The following HM13 variants were observed in gnomAD, a reference collection of about 807,000 sequenced individuals.
HM13 encodes the protein histocompatibility minor 13, also known as signal peptide peptidase.
A neutral mutation model predicts 50.0 loss-of-function variants in HM13; 18 were observed. The observed-to-expected ratio is 0.36, with a 90% CI of 0.25 to 0.53. HM13 has a LOEUF of 0.53. Ranked by LOEUF, HM13 falls within the 20% of genes least tolerant of loss-of-function variation. The pLI is 0.90. For synonymous variants in HM13, 197 were observed against 232.6 expected, an observed-to-expected ratio of 0.85 and a Z score of 1.39; for missense variants, 393 against 552.4, an observed-to-expected ratio of 0.71 and a Z score of 2.89.
intron 1 of HM13, among the ~76,000 whole-genome samples, chr20:31,519,617 A>G (rs1437422578): frequency 6.6e-6 from 1 of 152,146 alleles, no homozygotes; most frequent in African/African-American, 2.4e-5. Flanking sequence ...CTGAATCAGA[A>G]GCTCAAGGTG....
Position 31,558,465 on chromosome 20 carries a change from A to G in HM13, c.809-1146A>G, listed in dbSNP as rs1984435828. On this transcript the variant is annotated intron_variant, in intron 8 of 12. Transcript: ENST00000398174. Reference sequence around the variant, plus strand: ...CTGGTCTATCTCCTCATCTCCTGCCAGTAGGCAAGCTGCCTTAGTGACCCC... The same window carrying G: ...CTGGTCTATCTCCTCATCTCCTGCCGGTAGGCAAGCTGCCTTAGTGACCCC... Among the ~76,000 whole-genome samples the G allele has an allele frequency of 2.6e-5, 4 of 152,290 alleles. No individual in the cohort carries two copies. The South Asian group carries it at 8.3e-4, about 32-fold the overall frequency.
chr20:31,566,881 G>A (rs1984950578), intron 11 of HM13, among the ~76,000 whole-genome samples: 1 of 152,056 alleles, frequency 6.6e-6, no homozygotes, highest in African/African-American at 2.4e-5. Context: ...CGCAAGGCCT[G>A]CGTGACTCCA....
intron 2 of HM13, among the ~76,000 whole-genome samples, chr20:31,530,160 T>C (rs1048872231): frequency 1.4e-4 from 21 of 151,876 alleles, no homozygotes; most frequent in Admixed American, 9.9e-4. Context: ...TCATCAATAA[T>C]GTACATCATT....
intron 11 of HM13, chr20:31,567,822 G>A: frequency 2.3e-6 from 1 of 438,614 alleles, no homozygotes; most frequent in Non-Finnish European, 4.0e-6. Flanking sequence ...TCTTAGAGGT[G>A]TTTCCACAGC....
chr20:31,561,819 C>A, intron 10 of HM13, 83 bp downstream of exon 10: 2 of 966,398 alleles, frequency 2.1e-6, no homozygotes, highest in Non-Finnish European at 3.3e-6. Flanking sequence ...TAAATGCAAG[C>A]AGTCCAGAGA....
chr20:31,550,272 G>A (rs1983972142), intron 7 of HM13, 151 bp downstream of exon 7: 2 of 661,014 alleles, frequency 3.0e-6, no homozygotes, highest in African/African-American at 3.6e-5. Flanking sequence ...ATCCTCAATT[G>A]ATTCATCTGG....
rs143967109 is a variant in HM13 at position 31,542,423 on chromosome 20, C to G, written c.366-2524C>G. On this transcript the variant is annotated intron_variant, in intron 3 of 12. Coordinates refer to ENST00000398174, the MANE Select transcript of HM13 (RefSeq NM_178581.3). ...AGTTTCACTGACCCTGCCTTCCACC[C>G]CCAGGGGAGAAGGGCACCAGGATGT... Among the ~76,000 whole-genome samples, 149 of 152,310 alleles carry G rather than the reference C, an allele frequency of 9.8e-4. 2 individuals are homozygous for G. Among genetic ancestry groups the G allele is most frequent in the Middle Eastern group, 3.4e-3 (1 of 294 alleles).
intron 10 of HM13, among the ~76,000 whole-genome samples, chr20:31,565,013 AAAAT>A (rs2122664810): frequency 6.6e-6 from 1 of 151,812 alleles, no homozygotes; most frequent in East Asian, 1.9e-4. Context: ...AAAATACAAA[AAAAT>A]TAGCCGGGCA....
At chr20:31,532,069 G>A (rs1982849852) in intron 2 of HM13, among the ~76,000 whole-genome samples, 1 of 151,816 alleles carries the variant, frequency 6.6e-6, no homozygotes, top group Admixed American at 6.6e-5. Flanking sequence ...AAATAAGAGT[G>A]CACTAAATAA....
At chr20:31,546,162 G>C (rs948625369) in intron 4 of HM13, among the ~76,000 whole-genome samples, 3 of 148,366 alleles carry the variant, frequency 2.0e-5, no homozygotes, top group Non-Finnish European at 4.4e-5. Context: ...CCATTCTCCT[G>C]CCTCAGCCTC....
chr20:31,554,095 C>T (rs1021325201), intron 7 of HM13, among the ~76,000 whole-genome samples: 2 of 152,194 alleles, frequency 1.3e-5, no homozygotes, highest in African/African-American at 4.8e-5. Context: ...CTCTAACCAG[C>T]TGTGACTCCA....
rs955502204 is a variant in HM13, at chr20:31,527,499, C to G, written c.199C>G (p.Pro67Ala). Residue 67 changes from proline (P) to alanine (A), a missense_variant, in exon 2 of 13, where the codon CCT becomes GCT. This residue lies in a region of HM13 where 214 missense variants were observed against 276.1 expected (regional missense o/e 0.77). Coordinates refer to ENST00000398174, the MANE Select transcript of HM13 (RefSeq NM_178581.3). ...CARGKNASDM[P>A]ETITSRDAAR... ...TCTCCTCTAGAATGCTTCAGACATG[C>G]CTGAAACAATCACCAGCCGGGATGC... 4.3e-6 allele frequency: 7 copies of G among 1,612,442 alleles called. No homozygotes were observed. The highest frequency in any genetic ancestry group is 5.9e-6 in the Non-Finnish European group (7 of 1,178,588).
At chr20:31,567,886 CTT>C (rs1457662796) in intron 11 of HM13, 190 bp from the exon 12 acceptor site, 31 of 573,520 alleles carry the variant, frequency 5.4e-5, no homozygotes, top group Non-Finnish European at 5.5e-5. Flanking sequence ...CCTGATGTGC[CTT>C]TGTCTAGGTG....
At chr20:31,559,672 G>C (rs1002563589) in intron 9 of HM13, 25 bp downstream of exon 9, 5 of 1,612,846 alleles carry the variant, frequency 3.1e-6, no homozygotes, top group Non-Finnish European at 3.4e-6. Flanking sequence ...GCCTGCCCCA[G>C]CATGGGCTTC....
Position 31,569,151 on chromosome 20 carries a change from G to T in HM13, c.1213G>T (p.Ala405Ser), listed in dbSNP as rs1198618734. Residue 405 changes from alanine to serine, a missense_variant, in exon 13 of 13, where the codon GCA (alanine) becomes TCA (serine). Ala to Ser is a moderately conservative substitution (Grantham distance 99, BLOSUM62 1). Transcript: ENST00000398174. ...YEESNPKDPA[A>S]VTESKEGTEA... ...GGAGTCAAATCCTAAGGATCCAGCG[G>T]CAGTGACAGAATCCAAAGAGGGAAC... 2.1e-5 allele frequency: 33 copies of T among 1,596,804 alleles called. No homozygotes were observed. The highest frequency in any genetic ancestry group is 2.8e-5 in the Non-Finnish European group (33 of 1,170,672).
At chr20:31,550,336 A>G in intron 7 of HM13, 1 of 553,466 alleles carries the variant, frequency 1.8e-6, no homozygotes, top group East Asian at 2.9e-5. Context: ...GTGGTGCAGC[A>G]TGGCGTGAAA....
chr20:31,569,349 C>T lies in HM13; in HGVS notation c.*130C>T, dbSNP rs1163162471. The T allele has an allele frequency of 3.6e-5, 21 of 584,028 alleles. No individual in the cohort carries two copies. The highest frequency in any genetic ancestry group is 4.8e-4 in the Middle Eastern group (1 of 2,100). 36.2% of individuals were successfully genotyped at this position (584,028 alleles called of 1,614,324 possible). On this transcript the variant is annotated 3_prime_UTR_variant, in exon 13 of 13. Coordinates refer to ENST00000398174, the MANE Select transcript of HM13 (RefSeq NM_178581.3). Reference sequence around the variant, plus strand: ...GACAGGGCAGGGGGCAGCAGGATACCTCCAGCCAGGCCTCTGTGGCCTCTG... The same window carrying T: ...GACAGGGCAGGGGGCAGCAGGATACTTCCAGCCAGGCCTCTGTGGCCTCTG...
At chr20:31,538,489 A>G (rs1983249419) in intron 3 of HM13, 2 of 1,408,462 alleles carry the variant, frequency 1.4e-6, no homozygotes, top group Non-Finnish European at 9.3e-7. Flanking sequence ...GGGTGTTTCC[A>G]CCACCACAGC....
chr20:31,546,241 G>A (rs1254676684), intron 4 of HM13, among the ~76,000 whole-genome samples: 1 of 151,238 alleles, frequency 6.6e-6, no homozygotes, highest in Non-Finnish European at 1.5e-5. Flanking sequence ...TAGTAGAGAC[G>A]GGGTTTCACC....
Sources: allele counts gnomAD v4.1 joint callset (sites outside exome capture counted in the v4.1 genomes callset), GRCh38; gene constraint gnomAD v4.1.1; regional missense constraint gnomAD v4.1.1; transcripts MANE v1.5; gene names NCBI Gene and HGNC (gene_info 2026-07-23, HGNC 2026-07-21).